Variants in PACRG observed in about 807,000 individuals in gnomAD.
The protein encoded by PACRG is parkin coregulated gene protein.
In PACRG, 29 loss-of-function variants were observed where a neutral mutation model predicts 29.7. That is an observed-to-expected ratio of 0.98 (90% confidence interval 0.73 to 1.33). PACRG has a LOEUF of 1.33. Among genes scored for constraint, PACRG ranks in the 40% most tolerant of loss-of-function variants. PACRG has a pLI of 0.00. For missense variants in PACRG, 279 were observed against 316.2 expected (o/e 0.88, Z 0.89); for synonymous variants, 116 against 118.7 (o/e 0.98, Z 0.15).
At chr6:163,308,322 T>C (rs900463947) in intron 4 of PACRG, among the ~76,000 whole-genome samples, 1 of 151,394 alleles carries the variant, frequency 6.6e-6, no homozygotes, top group Admixed American at 6.6e-5. Context: ...AAACAAGGAG[T>C]TTCTGTTTTG....
At chr6:162,965,954 T>C (rs991479115) in intron 2 of PACRG, among the ~76,000 whole-genome samples, 2 of 152,130 alleles carry the variant, frequency 1.3e-5, no homozygotes, top group African/African-American at 4.8e-5. Flanking sequence ...TGCATCCAAG[T>C]CAACTGAGAG....
At chr6:163,163,503 C>T (rs1377651365) in intron 4 of PACRG, among the ~76,000 whole-genome samples, 2 of 150,938 alleles carry the variant, frequency 1.3e-5, no homozygotes, top group East Asian at 2.1e-4. Flanking sequence ...AACTCCGGAC[C>T]TCAGGTGACG....
chr6:163,124,112 AG>A (rs1303958216), intron 4 of PACRG, among the ~76,000 whole-genome samples: 1 of 152,214 alleles, frequency 6.6e-6, no homozygotes, highest in African/African-American at 2.4e-5. Context: ...TGTCTATTCA[AG>A]TCCTTTGCAT....
At chr6:163,078,353 A>G (rs985618965) in intron 3 of PACRG, among the ~76,000 whole-genome samples, 4 of 152,128 alleles carry the variant, frequency 2.6e-5, no homozygotes, top group Non-Finnish European at 5.9e-5. Context: ...GGATACAAAA[A>G]TTAGCCAGGC....
intron 2 of PACRG, among the ~76,000 whole-genome samples, chr6:162,847,781 C>T (rs1790527674): frequency 6.6e-6 from 1 of 151,938 alleles, no homozygotes; most frequent in African/African-American, 2.4e-5. Flanking sequence ...GAACAAGGAG[C>T]TACTAGGGGC....
intron 4 of PACRG, among the ~76,000 whole-genome samples, chr6:163,269,975 GA>G (rs1441647249): frequency 2.1e-4 from 17 of 80,026 alleles, no homozygotes; most frequent in African/African-American, 8.2e-4. Flanking sequence ...AAGAAAGAAA[GA>G]AAGAAAGAAA....
chr6:162,762,089 T>A (rs1782419721), intron 1 of PACRG, among the ~76,000 whole-genome samples: 1 of 151,990 alleles, frequency 6.6e-6, no homozygotes, highest in Admixed American at 6.6e-5. Flanking sequence ...GTTCATTGTA[T>A]CACCATCCTT....
chr6:162,947,359 AATGTAATC>A (rs1562765781), intron 2 of PACRG, among the ~76,000 whole-genome samples: 7 of 36,700 alleles, frequency 1.9e-4, no homozygotes, highest in South Asian at 9.5e-4. Flanking sequence ...ACATATATAT[AATGTAATC>A]ATATATAATC....
At chr6:163,058,833 G>A (rs1414905470) in intron 2 of PACRG, among the ~76,000 whole-genome samples, 1 of 152,192 alleles carries the variant, frequency 6.6e-6, no homozygotes, top group Non-Finnish European at 1.5e-5. Flanking sequence ...CCGGGAGGCA[G>A]AGCTTGCAGT....
intron 2 of PACRG, among the ~76,000 whole-genome samples, chr6:162,837,646 A>C (rs1226618179): frequency 6.6e-6 from 1 of 152,218 alleles, no homozygotes; most frequent in Non-Finnish European, 1.5e-5. Flanking sequence ...CCAATAAGTT[A>C]ATAAAAGGTA....
intron 3 of PACRG, among the ~76,000 whole-genome samples, chr6:163,080,870 A>G (rs1054494270): frequency 6.6e-6 from 1 of 152,028 alleles, no homozygotes; most frequent in South Asian, 2.1e-4. Context: ...AGAAAAATCA[A>G]TATTTTTTGT....
chr6:163,075,927 C>T (rs995831911), intron 3 of PACRG, among the ~76,000 whole-genome samples: 1 of 152,204 alleles, frequency 6.6e-6, no homozygotes, highest in African/African-American at 2.4e-5. Context: ...CTTAGGGACC[C>T]AGCCTGATAG....
chr6:162,758,380 T>C (rs1377708823), intron 1 of PACRG, among the ~76,000 whole-genome samples: 1 of 152,180 alleles, frequency 6.6e-6, no homozygotes, highest in Non-Finnish European at 1.5e-5. Flanking sequence ...AGAACGGCTC[T>C]TTTTCTTAAT....
chr6:163,250,085 A>AT (rs1175783887), intron 4 of PACRG, among the ~76,000 whole-genome samples: 1 of 152,208 alleles, frequency 6.6e-6, no homozygotes, highest in African/African-American at 2.4e-5. Context: ...TGATAGACAC[A>AT]TTTTTCTGAT....
intron 4 of PACRG, among the ~76,000 whole-genome samples, chr6:163,262,140 G>A (rs9456849): frequency 0.35 from 52,708 of 152,012 alleles, 9,540 homozygotes; most frequent in Non-Finnish European, 0.39. Flanking sequence ...CTGGAAAAAC[G>A]GCCCTGGCCC....
intron 4 of PACRG, among the ~76,000 whole-genome samples, chr6:163,214,519 T>C (rs1030660971): frequency 1.3e-5 from 2 of 152,050 alleles, no homozygotes; most frequent in Non-Finnish European, 2.9e-5. Context: ...TAAAGTTTTC[T>C]TTATATAAAT....
intron 1 of PACRG, among the ~76,000 whole-genome samples, chr6:162,809,961 G>C (rs745676242): frequency 6.6e-6 from 1 of 152,166 alleles, no homozygotes; most frequent in South Asian, 2.1e-4. Context: ...ACTTAGTGAC[G>C]AAAGAGTTGT....
At chr6:162,753,684 G>A (rs1473209180) in intron 1 of PACRG, among the ~76,000 whole-genome samples, 2 of 152,100 alleles carry the variant, frequency 1.3e-5, no homozygotes, top group African/African-American at 4.8e-5. Context: ...ATGATAGTGA[G>A]TGAGTTCTCA....
At chr6:162,885,628 G>A (rs1794269067) in intron 2 of PACRG, among the ~76,000 whole-genome samples, 1 of 152,148 alleles carries the variant, frequency 6.6e-6, no homozygotes, top group Admixed American at 6.5e-5. Flanking sequence ...ATTGATCGTT[G>A]ATGAAAATGT....
Sources: gnomAD v4.1 joint callset for allele counts (sites outside exome capture counted in the v4.1 genomes callset) on GRCh38, gnomAD v4.1.1 for gene constraint, MANE v1.5 for transcripts, NCBI Gene and HGNC (gene_info 2026-07-23, HGNC 2026-07-21) for gene names.